RAB38: variants seen among roughly 807,000 people sequenced by gnomAD.
RAB38 encodes the protein ras-related protein Rab-38.
A neutral mutation model predicts 18.4 loss-of-function variants in RAB38; 15 were observed. The observed-to-expected ratio is 0.82, with a 90% CI of 0.55 to 1.26. The LOEUF is 1.26. RAB38 is among the 50% of genes most tolerant of loss of function. The pLI, the probability that RAB38 is intolerant of heterozygous loss-of-function variation, is 0.00. For synonymous variants in RAB38, 101 were observed against 104.4 expected (o/e 0.97, Z 0.20); for missense variants, 294 against 267.4 (o/e 1.10, Z -0.69).
chr11:88,081,288 G>A, the RAB38 span, among the ~76,000 whole-genome samples: 1 of 151,802 alleles, frequency 6.6e-6, no homozygotes, highest in Non-Finnish European at 1.5e-5. Context: ...CCCACTCTAA[G>A]TATTTACACA....
the RAB38 span, among the ~76,000 whole-genome samples, chr11:88,072,162 T>C: frequency 6.6e-6 from 1 of 152,072 alleles, no homozygotes. Context: ...GACTTCAAAA[T>C]AATATGTTAA....
the RAB38 span, among the ~76,000 whole-genome samples, chr11:88,004,006 AG>A: frequency 7.3e-6 from 1 of 136,548 alleles, no homozygotes; most frequent in Admixed American, 7.9e-5. Context: ...TATATAAAAA[AG>A]GTATATGTAC....
At chr11:87,871,475 A>G in the RAB38 span, among the ~76,000 whole-genome samples, 1 of 151,714 alleles carries the variant, frequency 6.6e-6, no homozygotes, top group Non-Finnish European at 1.5e-5. Context: ...GCACACAGTC[A>G]TATACCTATG....
At chr11:87,824,517 T>TA in the RAB38 span, among the ~76,000 whole-genome samples, 1 of 151,980 alleles carries the variant, frequency 6.6e-6, no homozygotes, top group Non-Finnish European at 1.5e-5. Context: ...AAGCTTAAAA[T>TA]AAAAAACTGT....
chr11:88,031,630 T>C, the RAB38 span, among the ~76,000 whole-genome samples: 41 of 151,766 alleles, frequency 2.7e-4, no homozygotes, highest in African/African-American at 9.4e-4. Context: ...CTATTCACAA[T>C]TGCTTCAAAG....
chr11:88,129,168 A>G (rs772483659), intron 2 of RAB38, among the ~76,000 whole-genome samples: 1 of 152,166 alleles, frequency 6.6e-6, no homozygotes, highest in Non-Finnish European at 1.5e-5. Flanking sequence ...GAGTACCTTA[A>G]CATATACAGA....
chr11:87,843,614 C>T, the RAB38 span, among the ~76,000 whole-genome samples: 1 of 152,186 alleles, frequency 6.6e-6, no homozygotes, highest in African/African-American at 2.4e-5. Flanking sequence ...ATCTCAGCTC[C>T]ATAGCTTACT....
chr11:87,944,142 AAAGAAACATAGATAT>A, the RAB38 span, among the ~76,000 whole-genome samples: 12 of 151,226 alleles, frequency 7.9e-5, no homozygotes, highest in African/African-American at 2.9e-4. Flanking sequence ...ATTATTCTAA[AAAGAAACATAGATAT>A]ATTAATTAAA....
At chr11:87,941,811 C>T in the RAB38 span, among the ~76,000 whole-genome samples, 9 of 152,150 alleles carry the variant, frequency 5.9e-5, no homozygotes, top group Non-Finnish European at 7.3e-5. Context: ...TTCCAGTTTT[C>T]CCCTTCTCTT....
the RAB38 span, among the ~76,000 whole-genome samples, chr11:87,974,678 T>A: frequency 1.0e-4 from 10 of 99,466 alleles, no homozygotes; most frequent in Non-Finnish European, 1.3e-4. Context: ...CATAGTAGGA[T>A]TTTTTTTTAA....
intron 2 of RAB38, among the ~76,000 whole-genome samples, chr11:88,139,738 C>T (rs1221562466): frequency 1.3e-5 from 2 of 152,152 alleles, no homozygotes; most frequent in African/African-American, 4.8e-5. Context: ...GAGAATAGGG[C>T]CAAGGCATCT....
At chr11:87,836,959 T>G in the RAB38 span, among the ~76,000 whole-genome samples, 7 of 152,214 alleles carry the variant, frequency 4.6e-5, no homozygotes, top group African/African-American at 1.7e-4. Flanking sequence ...AGTGCCTCAC[T>G]TACTAGGTGA....
At chr11:88,081,999 A>C in the RAB38 span, among the ~76,000 whole-genome samples, 1 of 151,860 alleles carries the variant, frequency 6.6e-6, no homozygotes, top group Non-Finnish European at 1.5e-5. Flanking sequence ...AATTCCAAAC[A>C]CAGAAACCTA....
the RAB38 span, among the ~76,000 whole-genome samples, chr11:88,079,328 T>C: frequency 2.0e-5 from 3 of 151,728 alleles, no homozygotes; most frequent in Admixed American, 2.0e-4. Flanking sequence ...CTAGATGAAA[T>C]GGACAGATTG....
the RAB38 span, among the ~76,000 whole-genome samples, chr11:87,942,678 G>T: frequency 6.6e-6 from 1 of 152,248 alleles, no homozygotes; most frequent in Admixed American, 6.6e-5. Flanking sequence ...ACACTAGGGA[G>T]TACCTACAGG....
At chr11:87,852,525 C>T in the RAB38 span, among the ~76,000 whole-genome samples, 129 of 152,040 alleles carry the variant, frequency 8.5e-4, no homozygotes, top group Middle Eastern at 0.017. Flanking sequence ...GTATCTTTCT[C>T]GATACTGATC....
At chr11:87,976,797 C>A in the RAB38 span, among the ~76,000 whole-genome samples, 2 of 69,560 alleles carry the variant, frequency 2.9e-5, no homozygotes, top group African/African-American at 6.5e-5. Context: ...ATAATATATA[C>A]TTATAATATA....
chr11:88,149,575 A>T (rs1943035998), intron 2 of RAB38, 100 bp downstream of exon 2: 9 of 1,392,918 alleles, frequency 6.5e-6, no homozygotes, highest in Non-Finnish European at 6.8e-6. Flanking sequence ...ATACATCACT[A>T]AACAAACATA....
chr11:88,127,749 T>G (rs1942717817), intron 2 of RAB38, among the ~76,000 whole-genome samples: 1 of 152,236 alleles, frequency 6.6e-6, no homozygotes, highest in Non-Finnish European at 1.5e-5. Context: ...TTATCCTCTC[T>G]GATAGACCAA....
Sources: allele counts gnomAD v4.1 joint callset (sites outside exome capture counted in the v4.1 genomes callset), GRCh38; gene constraint gnomAD v4.1.1; transcripts MANE v1.5; gene names NCBI Gene and HGNC (gene_info 2026-07-23, HGNC 2026-07-21).